Variants in SYT1 observed in about 807,000 individuals in gnomAD.
SYT1 encodes synaptotagmin 1.
A neutral mutation model predicts 44.8 loss-of-function variants in SYT1; 8 were observed. The observed-to-expected ratio is 0.18, with a 90% CI of 0.10 to 0.32. The LOEUF is 0.32. SYT1 is among the 10% of genes least tolerant of loss of function. The pLI, the probability that SYT1 is intolerant of heterozygous loss-of-function variation, is 1.00. For missense variants in SYT1, 286 were observed against 509.3 expected, an observed-to-expected ratio of 0.56 and a Z score of 4.22; for synonymous variants, 154 against 188.8, an observed-to-expected ratio of 0.82 and a Z score of 1.51.
chr12:78,921,120 C>T (rs747845927), intron 1 of SYT1, among the ~76,000 whole-genome samples: 3 of 151,864 alleles, frequency 2.0e-5, no homozygotes, highest in Non-Finnish European at 2.9e-5. Context: ...AATTTTAGTA[C>T]AGTTGTATAG....
At chr12:79,062,621 A>C (rs902840161) in intron 3 of SYT1, among the ~76,000 whole-genome samples, 1 of 152,122 alleles carries the variant, frequency 6.6e-6, no homozygotes, top group Non-Finnish European at 1.5e-5. Context: ...CATTCTTAAA[A>C]ATTCCCCATG....
chr12:79,222,873 GT>G (rs1307214778), intron 4 of SYT1, among the ~76,000 whole-genome samples: 4 of 151,894 alleles, frequency 2.6e-5, no homozygotes, highest in African/African-American at 9.7e-5. Flanking sequence ...TGTTTGACCA[GT>G]TCTGCTGTTA....
At chr12:79,330,958 A>G (rs1276565871) in intron 8 of SYT1, among the ~76,000 whole-genome samples, 1 of 152,220 alleles carries the variant, frequency 6.6e-6, no homozygotes, top group Non-Finnish European at 1.5e-5. Flanking sequence ...TTTCAGGCAT[A>G]CAGACTTAAC....
At chr12:79,205,203 C>A (rs1004441745) in intron 3 of SYT1, among the ~76,000 whole-genome samples, 23 of 152,128 alleles carry the variant, frequency 1.5e-4, no homozygotes, top group Non-Finnish European at 2.6e-4. Context: ...ACCTCGTGAT[C>A]TGCCCGCCTC....
chr12:79,028,991 T>A (rs1432604560), intron 2 of SYT1, among the ~76,000 whole-genome samples: 1 of 151,306 alleles, frequency 6.6e-6, no homozygotes, highest in Non-Finnish European at 1.5e-5. Flanking sequence ...TTAACAATAG[T>A]CACAAAAATA....
chr12:79,211,219 C>T (rs1470005257), intron 3 of SYT1, among the ~76,000 whole-genome samples: 1 of 152,032 alleles, frequency 6.6e-6, no homozygotes, highest in East Asian at 1.9e-4. Context: ...TTACCTAACA[C>T]TCCCATGTAT....
chr12:78,908,723 C>T (rs762894882), intron 1 of SYT1, among the ~76,000 whole-genome samples: 2 of 151,874 alleles, frequency 1.3e-5, no homozygotes, highest in African/African-American at 2.4e-5. Flanking sequence ...TAGAATATTG[C>T]AGTGGAAATG....
At chr12:79,348,472 G>C (rs1174332152) in intron 8 of SYT1, among the ~76,000 whole-genome samples, 1 of 152,278 alleles carries the variant, frequency 6.6e-6, no homozygotes, top group East Asian at 1.9e-4. Context: ...CATGTGGTCA[G>C]GTTCAAAATA....
intron 2 of SYT1, among the ~76,000 whole-genome samples, chr12:79,026,219 GAACTTTATT>G (rs1555190291): frequency 6.6e-6 from 1 of 151,554 alleles, no homozygotes; most frequent in Non-Finnish European, 1.5e-5. Flanking sequence ...AAAGGAAGAA[GAACTTTATT>G]AACTTGTTGG....
intron 3 of SYT1, among the ~76,000 whole-genome samples, chr12:79,069,712 T>C (rs1876133021): frequency 6.6e-6 from 1 of 152,090 alleles, no homozygotes; most frequent in African/African-American, 2.4e-5. Context: ...GAAATAAGGA[T>C]ATAGTCAGAT....
At chr12:79,270,331 T>A (rs959294526) in intron 4 of SYT1, among the ~76,000 whole-genome samples, 29 of 152,326 alleles carry the variant, frequency 1.9e-4, no homozygotes, top group African/African-American at 6.5e-4. Flanking sequence ...ATAAAATGAA[T>A]AATGCACACA....
At chr12:78,883,038 A>T (rs1874541408) in intron 1 of SYT1, among the ~76,000 whole-genome samples, 1 of 151,734 alleles carries the variant, frequency 6.6e-6, no homozygotes, top group African/African-American at 2.4e-5. Context: ...ACAAGGTCAT[A>T]TGATTTTTTA....
chr12:79,268,294 A>G (rs944124959), intron 4 of SYT1, among the ~76,000 whole-genome samples: 1 of 152,236 alleles, frequency 6.6e-6, no homozygotes, highest in African/African-American at 2.4e-5. Context: ...TTAAAAAATC[A>G]TCGAAAAAAT....
At chr12:79,432,078 T>C (rs2136180393) in intron 9 of SYT1, among the ~76,000 whole-genome samples, 1 of 152,248 alleles carries the variant, frequency 6.6e-6, no homozygotes, top group Non-Finnish European at 1.5e-5. Flanking sequence ...AAAATCAACA[T>C]TCAAATATAA....
chr12:79,108,401 A>G (rs1206197662), intron 3 of SYT1, among the ~76,000 whole-genome samples: 1 of 152,068 alleles, frequency 6.6e-6, no homozygotes, highest in Non-Finnish European at 1.5e-5. Context: ...AATTTTATAA[A>G]TATTATCAGG....
intron 3 of SYT1, among the ~76,000 whole-genome samples, chr12:79,065,830 T>A (rs1875803295): frequency 6.6e-6 from 1 of 152,128 alleles, no homozygotes; most frequent in Admixed American, 6.6e-5. Context: ...GGTTTGAAGT[T>A]TTCCTTCTTT....
intron 8 of SYT1, among the ~76,000 whole-genome samples, chr12:79,303,957 T>G (rs890470561): frequency 4.6e-5 from 7 of 152,184 alleles, no homozygotes; most frequent in African/African-American, 1.7e-4. Context: ...TGATTGGAAA[T>G]CCTTATAAAA....
intron 3 of SYT1, 121 bp from the exon 4 acceptor site, chr12:79,217,382 T>C (rs1874873143): frequency 3.9e-6 from 3 of 761,628 alleles, no homozygotes; most frequent in Non-Finnish European, 5.8e-6. Context: ...ATGCTAATGA[T>C]GGACTATTTA....
chr12:79,165,579 A>G (rs1161806772), intron 3 of SYT1, among the ~76,000 whole-genome samples: 1 of 152,004 alleles, frequency 6.6e-6, no homozygotes, highest in African/African-American at 2.4e-5. Flanking sequence ...CTTGATTGCA[A>G]TGGAAGATGG....
Sources: allele counts gnomAD v4.1 joint callset (sites outside exome capture counted in the v4.1 genomes callset), GRCh38; gene constraint gnomAD v4.1.1; transcripts MANE v1.5; gene names NCBI Gene and HGNC (gene_info 2026-07-23, HGNC 2026-07-21).